The following WWC1 variants were observed in gnomAD, a reference collection of about 807,000 sequenced individuals.
WWC1 encodes protein KIBRA.
Under a neutral mutation model 138.4 loss-of-function variants are expected in WWC1, and 55 were observed. The observed-to-expected ratio is 0.40, with a 90% confidence interval of 0.32 to 0.50. WWC1 has a LOEUF of 0.50. Ranked by LOEUF, WWC1 falls within the 20% of genes least tolerant of loss-of-function variation. WWC1 has a pLI of 0.72. For synonymous variants in WWC1, 524 were observed against 564.9 expected (o/e 0.93, Z 1.03); for missense variants, 1,226 against 1,420.4 (o/e 0.86, Z 2.20).
chr5:168,401,061 A>T (rs2152832487), intron 5 of WWC1, among the ~76,000 whole-genome samples: 1 of 152,134 alleles, frequency 6.6e-6, no homozygotes, highest in East Asian at 1.9e-4. Context: ...CAAGCCCTGC[A>T]GTCTGGTTGA....
chr5:168,420,842 C>T (rs1781039532), intron 9 of WWC1, among the ~76,000 whole-genome samples: 1 of 152,188 alleles, frequency 6.6e-6, no homozygotes. Flanking sequence ...GCCACCCTCC[C>T]CGCCTTCAGT....
intron 1 of WWC1, among the ~76,000 whole-genome samples, chr5:168,321,130 G>A (rs771232303): frequency 2.6e-5 from 4 of 152,114 alleles, no homozygotes; most frequent in African/African-American, 4.8e-5. Context: ...ATACAGTGCC[G>A]TATTTGGTAG....
chr5:168,376,913 C>T (rs571580360), intron 2 of WWC1, among the ~76,000 whole-genome samples: 1 of 152,242 alleles, frequency 6.6e-6, no homozygotes, highest in South Asian at 2.1e-4. Context: ...TCATTTTTCA[C>T]AGAATTAGAA....
intron 2 of WWC1, among the ~76,000 whole-genome samples, chr5:168,381,085 C>T (rs1006531380): frequency 2.0e-5 from 3 of 152,012 alleles, no homozygotes; most frequent in African/African-American, 7.3e-5. Flanking sequence ...CGGGTGATTC[C>T]AGTGTGCAAC....
intron 1 of WWC1, among the ~76,000 whole-genome samples, chr5:168,319,187 A>G (rs2152756530): frequency 6.6e-6 from 1 of 152,210 alleles, no homozygotes; most frequent in South Asian, 2.1e-4. Flanking sequence ...TGGGAGGCCA[A>G]GGTGAGTGGA....
chr5:168,324,207 G>A (rs1028235806), intron 1 of WWC1, among the ~76,000 whole-genome samples: 1 of 152,190 alleles, frequency 6.6e-6, no homozygotes, highest in Non-Finnish European at 1.5e-5. Flanking sequence ...AGGCTGAGGC[G>A]AGCGGATCAT....
At chr5:168,320,224 G>A (rs150801604) in intron 1 of WWC1, among the ~76,000 whole-genome samples, 10 of 151,946 alleles carry the variant, frequency 6.6e-5, no homozygotes, top group African/African-American at 1.9e-4. Flanking sequence ...TAGTAGAGAC[G>A]GAGTTTCACC....
chr5:168,430,970 G>C (rs1468052982), intron 14 of WWC1, among the ~76,000 whole-genome samples: 3 of 152,212 alleles, frequency 2.0e-5, no homozygotes, highest in Non-Finnish European at 4.4e-5. Flanking sequence ...ACAGTGCCAG[G>C]CTGAATAGCC....
intron 9 of WWC1, chr5:168,415,007 T>C (rs558667347): frequency 3.9e-4 from 67 of 171,918 alleles, no homozygotes; most frequent in South Asian, 4.4e-4. Context: ...GTTTTCTCCC[T>C]TCTGTTGCAT....
intron 1 of WWC1, among the ~76,000 whole-genome samples, chr5:168,302,036 T>G (rs1296477629): frequency 6.6e-6 from 1 of 152,220 alleles, no homozygotes; most frequent in Non-Finnish European, 1.5e-5. Context: ...GAAGCGACTC[T>G]TGCCAGTGAG....
chr5:168,342,532 G>A (rs1025991113), intron 1 of WWC1, among the ~76,000 whole-genome samples: 8 of 152,172 alleles, frequency 5.3e-5, no homozygotes, highest in East Asian at 1.9e-4. Context: ...CATGCTGACC[G>A]GATTTCTGTG....
At chr5:168,431,500 G>A in intron 15 of WWC1, 56 bp downstream of exon 15, 1 of 1,535,146 alleles carries the variant, frequency 6.5e-7, no homozygotes, top group Non-Finnish European at 8.8e-7. Flanking sequence ...CTGGCTGGCT[G>A]GCTGACCGGC....
intron 2 of WWC1, among the ~76,000 whole-genome samples, chr5:168,384,734 T>TC (rs1476662028): frequency 3.7e-5 from 4 of 109,252 alleles, no homozygotes; most frequent in Non-Finnish European, 8.1e-5. Flanking sequence ...TTTTTTTTTT[T>TC]TCAGACAGAG....
chr5:168,450,272 A>G (rs1314660764), intron 17 of WWC1, among the ~76,000 whole-genome samples: 2 of 152,220 alleles, frequency 1.3e-5, no homozygotes, highest in African/African-American at 4.8e-5. Context: ...GGGAAATGGA[A>G]AGTTTTAAGG....
chr5:168,460,863 A>G (rs774444355), intron 20 of WWC1, 121 bp downstream of exon 20: 3 of 1,045,762 alleles, frequency 2.9e-6, no homozygotes, highest in Non-Finnish European at 4.3e-6. Flanking sequence ...GGCTAGAAAA[A>G]TGTTGCTCTC....
intron 15 of WWC1, among the ~76,000 whole-genome samples, chr5:168,431,680 GA>G (rs1477375417): frequency 1.3e-5 from 2 of 152,156 alleles, no homozygotes; most frequent in African/African-American, 2.4e-5. Context: ...TTCACAAGAG[GA>G]AGAGTAATGG....
At chr5:168,403,610 G>A (rs1779553858) in intron 5 of WWC1, among the ~76,000 whole-genome samples, 1 of 152,196 alleles carries the variant, frequency 6.6e-6, no homozygotes, top group African/African-American at 2.4e-5. Flanking sequence ...CAAGACGAAA[G>A]CTTGGGACTT....
chr5:168,300,216 A>T (rs1769938596), intron 1 of WWC1, among the ~76,000 whole-genome samples: 1 of 152,238 alleles, frequency 6.6e-6, no homozygotes, highest in Admixed American at 6.5e-5. Flanking sequence ...AAGAAACTGG[A>T]TACAGTGACA....
intron 1 of WWC1, among the ~76,000 whole-genome samples, chr5:168,318,046 T>C (rs1263017294): frequency 6.6e-6 from 1 of 152,172 alleles, no homozygotes; most frequent in Non-Finnish European, 1.5e-5. Flanking sequence ...GCTGCTCTCT[T>C]TGATAAAGTA....
Sources: gnomAD v4.1 joint callset for allele counts (sites outside exome capture counted in the v4.1 genomes callset) on GRCh38, gnomAD v4.1.1 for gene constraint, MANE v1.5 for transcripts, NCBI Gene and HGNC (gene_info 2026-07-23, HGNC 2026-07-21) for gene names.